CCDC169: variants seen among roughly 807,000 people sequenced by gnomAD.
CCDC169 encodes coiled-coil domain-containing protein 169.
In CCDC169, 30 loss-of-function variants were observed where a neutral mutation model predicts 36.0. The observed-to-expected ratio is 0.83, with a 90% CI of 0.62 to 1.13. The LOEUF is 1.13. CCDC169 is among the 50% of genes most tolerant of loss of function. The pLI is 0.00. For synonymous variants in CCDC169, 85 were observed against 81.5 expected (o/e 1.04, Z -0.23); for missense variants, 245 against 245.9 (o/e 1.00, Z 0.03).
At chr13:36,277,375 C>T (rs1876956855) in intron 4 of CCDC169, among the ~76,000 whole-genome samples, 1 of 151,984 alleles carries the variant, frequency 6.6e-6, no homozygotes, top group South Asian at 2.1e-4. Context: ...GGACTTAATA[C>T]CTAGGTGATG....
chr13:36,230,735 C>A, downstream of CCDC169: 1 of 981,606 alleles, frequency 1.0e-6, no homozygotes, highest in Non-Finnish European at 1.2e-6. Flanking sequence ...TCTACGATAC[C>A]ATAATATTTC....
intron 6 of CCDC169, among the ~76,000 whole-genome samples, chr13:36,251,234 A>AT (rs1395355347): frequency 2.6e-4 from 39 of 152,366 alleles, no homozygotes; most frequent in Middle Eastern, 3.4e-3. Flanking sequence ...AGCTCTAGTT[A>AT]TCTACCAATG....
intron 4 of CCDC169, 111 bp from the exon 5 acceptor site, chr13:36,254,254 T>C: frequency 3.0e-6 from 2 of 658,002 alleles, no homozygotes; most frequent in Non-Finnish European, 4.7e-6. Flanking sequence ...ATTTTGTGAT[T>C]TCATAATTCT....
chr13:36,249,438 C>T (rs967336954), intron 6 of CCDC169, among the ~76,000 whole-genome samples: 1 of 152,036 alleles, frequency 6.6e-6, no homozygotes, highest in African/African-American at 2.4e-5. Context: ...GATGCTTCGC[C>T]AAATTTGAAG....
At chr13:36,254,296 GAC>G (rs1594029836) in intron 4 of CCDC169, among the ~76,000 whole-genome samples, 153 bp from the exon 5 acceptor site, 1 of 50,862 alleles carries the variant, frequency 2.0e-5, no homozygotes, top group East Asian at 5.4e-4. Context: ...TTTTTTTTTA[GAC>G]AGAGTCTCAC....
At chr13:36,247,938 A>G (rs1170471357) in intron 7 of CCDC169, among the ~76,000 whole-genome samples, 1 of 152,182 alleles carries the variant, frequency 6.6e-6, no homozygotes, top group Non-Finnish European at 1.5e-5. Context: ...TCGGTGCAGC[A>G]AACTTCGTTG....
At chr13:36,255,434 C>T (rs985345901) in intron 4 of CCDC169, among the ~76,000 whole-genome samples, 18 of 152,076 alleles carry the variant, frequency 1.2e-4, no homozygotes, top group African/African-American at 4.1e-4. Flanking sequence ...GAGGCCGAGG[C>T]GGGTAGATCA....
At chr13:36,278,448 T>C (rs1466538064) in intron 4 of CCDC169, among the ~76,000 whole-genome samples, 1 of 152,136 alleles carries the variant, frequency 6.6e-6, no homozygotes, top group African/African-American at 2.4e-5. Flanking sequence ...CACATCACAT[T>C]TTCTCCTATG....
intron 4 of CCDC169, among the ~76,000 whole-genome samples, chr13:36,271,324 C>G (rs1876024603): frequency 6.6e-6 from 1 of 152,116 alleles, no homozygotes; most frequent in Non-Finnish European, 1.5e-5. Context: ...TAAATTAGTA[C>G]AACCTCTATA....
intron 4 of CCDC169, among the ~76,000 whole-genome samples, chr13:36,264,115 T>G (rs1377608054): frequency 6.6e-6 from 1 of 152,192 alleles, no homozygotes; most frequent in Admixed American, 6.5e-5. Flanking sequence ...ACACAAATTA[T>G]TTTGGCATTA....
At chr13:36,239,621 T>A (rs1004826799) in intron 7 of CCDC169, among the ~76,000 whole-genome samples, 2 of 152,180 alleles carry the variant, frequency 1.3e-5, no homozygotes, top group African/African-American at 4.8e-5. Flanking sequence ...TAGGGATTTT[T>A]AAAAATAATC....
At chr13:36,291,533 A>G (rs1566092775) in intron 2 of CCDC169, among the ~76,000 whole-genome samples, 1 of 152,100 alleles carries the variant, frequency 6.6e-6, no homozygotes, top group East Asian at 1.9e-4. Flanking sequence ...TTTTAAATAA[A>G]TATTTATTTC....
At chr13:36,275,482 A>G (rs1377475797) in intron 4 of CCDC169, among the ~76,000 whole-genome samples, 1 of 152,172 alleles carries the variant, frequency 6.6e-6, no homozygotes, top group African/African-American at 2.4e-5. Flanking sequence ...GATCTTGGAG[A>G]GAACACAAAC....
At chr13:36,264,221 A>G (rs1430540258) in intron 4 of CCDC169, among the ~76,000 whole-genome samples, 1 of 152,194 alleles carries the variant, frequency 6.6e-6, no homozygotes. Flanking sequence ...GCAATATATG[A>G]TTAAAAGCCA....
chr13:36,285,871 C>T (rs1878195417), intron 2 of CCDC169, among the ~76,000 whole-genome samples: 1 of 152,234 alleles, frequency 6.6e-6, no homozygotes, highest in African/African-American at 2.4e-5. Flanking sequence ...ATTAAGTTTC[C>T]CTTTGAAAGC....
intron 4 of CCDC169, among the ~76,000 whole-genome samples, chr13:36,257,129 G>A (rs575744598): frequency 6.6e-6 from 1 of 152,236 alleles, no homozygotes; most frequent in South Asian, 2.1e-4. Flanking sequence ...GGTACCCGGT[G>A]TTATAGAAAA....
chr13:36,235,519 C>T (rs532332562), intron 7 of CCDC169, among the ~76,000 whole-genome samples: 1 of 151,754 alleles, frequency 6.6e-6, no homozygotes, highest in Non-Finnish European at 1.5e-5. Context: ...TTACAGCTAA[C>T]ATTATATTTA....
At chr13:36,254,834 G>C (rs1416538242) in intron 4 of CCDC169, among the ~76,000 whole-genome samples, 1 of 152,158 alleles carries the variant, frequency 6.6e-6, no homozygotes, top group East Asian at 1.9e-4. Context: ...GTTCTGCTGA[G>C]GCTGTGGGCA....
chr13:36,291,866 T>C lies in CCDC169; in HGVS notation c.163+3912A>G, dbSNP rs145813589. Among the ~76,000 whole-genome samples, 548 of 152,320 alleles carry C rather than the reference T, an allele frequency of 3.6e-3. 3 individuals carry two copies. The highest frequency in any genetic ancestry group is 6.7e-3 in the Non-Finnish European group (457 of 68,026). On this transcript the variant is annotated intron_variant, in intron 2 of 7. Transcript: ENST00000239859. The stretch of plus-strand genomic sequence containing the variant: ...TTTACTGAGGTGATTTAAAAAAATA[T>C]ATTGGATTTATTAATATATTACCTA...
Sources: allele counts gnomAD v4.1 joint callset (sites outside exome capture counted in the v4.1 genomes callset), GRCh38; gene constraint gnomAD v4.1.1; transcripts MANE v1.5; gene names NCBI Gene and HGNC (gene_info 2026-07-23, HGNC 2026-07-21).